Variants in TMPRSS2 observed in about 807,000 individuals in gnomAD.
TMPRSS2 encodes the protein transmembrane protease serine 2.
In TMPRSS2, 59 loss-of-function variants were observed where a neutral mutation model predicts 67.4. The ratio of observed to expected loss-of-function variants is 0.88; its 90% CI spans 0.71 to 1.09. The LOEUF (loss-of-function observed/expected upper bound fraction) is 1.09. Among genes scored for constraint, TMPRSS2 ranks in the 50% least tolerant of loss-of-function variants. TMPRSS2 has a pLI of 0.00. For synonymous variants in TMPRSS2, 257 were observed against 257.0 expected (o/e 1.00, Z 0.00); for missense variants, 668 against 642.7 (o/e 1.04, Z -0.43).
chr21:41,472,842 A>G (rs2091146366), intron 9 of TMPRSS2, among the ~76,000 whole-genome samples: 1 of 152,160 alleles, frequency 6.6e-6, no homozygotes, highest in African/African-American at 2.4e-5. Flanking sequence ...GGTAGCGTCC[A>G]TAAATGCTAA....
intron 1 of TMPRSS2, among the ~76,000 whole-genome samples, chr21:41,503,094 T>C (rs770501572): frequency 6.6e-6 from 1 of 152,158 alleles, no homozygotes. Context: ...AAATGTAAAT[T>C]TGAAATACAA....
chr21:41,485,250 T>C (rs144154504), intron 5 of TMPRSS2, among the ~76,000 whole-genome samples: 163 of 152,194 alleles, frequency 1.1e-3, no homozygotes, highest in Admixed American at 1.6e-3. Context: ...TATTAAAGTA[T>C]TTAAATAAAT....
chr21:41,502,342 G>A, intron 1 of TMPRSS2: 1 of 976,306 alleles, frequency 1.0e-6, no homozygotes, highest in South Asian at 4.7e-5. Flanking sequence ...CAAGATCCAG[G>A]GGTATTCTCT....
intron 13 of TMPRSS2, among the ~76,000 whole-genome samples, chr21:41,467,396 A>T (rs984561259): frequency 1.3e-5 from 2 of 152,070 alleles, no homozygotes; most frequent in Admixed American, 6.5e-5. Context: ...CTCAAAAAAA[A>T]AAAAAAAAAG....
chr21:41,473,899 G>C (rs912031607), intron 8 of TMPRSS2, among the ~76,000 whole-genome samples: 1 of 124,094 alleles, frequency 8.1e-6, no homozygotes, highest in Non-Finnish European at 1.7e-5. Flanking sequence ...GAGGAGGTGA[G>C]TGAGAAGGTG....
intron 3 of TMPRSS2, 64 bp from the exon 4 acceptor site, chr21:41,489,657 T>A (rs2091321756): frequency 9.3e-7 from 1 of 1,080,366 alleles, no homozygotes; most frequent in East Asian, 2.4e-5. Flanking sequence ...CTCTCAAATG[T>A]TATCTATTAT....
In TMPRSS2 at chr21:41,471,123, G is replaced by A. The variant is rs556192760; in HGVS notation, c.1076-380C>T. 3.9e-5 allele frequency among the ~76,000 whole-genome samples: 6 copies of A among 152,282 alleles called. No individual in the cohort carries two copies. The East Asian group carries it at 5.8e-4, about 15-fold the overall frequency. ...GCACCACGCCATTGCTCAGGCATTC[G>A]CTCTTCTATATGTGAACCATTTCCC... On this transcript the variant is annotated intron_variant, in intron 10 of 13. Transcript: ENST00000332149.
In TMPRSS2 at chr21:41,476,587, T is replaced by A. The variant is rs751019170; in HGVS notation, c.717A>T (p.Leu239Phe). Residue 239 changes from leucine to phenylalanine, a missense_variant, in exon 8 of 14, where the codon TTA becomes TTT. By Grantham distance (22) the Leu-to-Phe change is conservative. Transcript: ENST00000332149. ...TCCAGATGAACTTACCTATACAGCG[T>A]AAAGAAACCACTGCTTTTGAAGAAC... ...DACSSKAVVS[L>F]RCIACGVNLN... The A allele has an allele frequency of 6.2e-7, 1 of 1,612,920 alleles. No individual in the cohort carries two copies. The highest frequency in any genetic ancestry group is 8.5e-7 in the Non-Finnish European group (1 of 1,179,864).
intron 1 of TMPRSS2, among the ~76,000 whole-genome samples, chr21:41,502,772 A>G (rs975469380): frequency 3.9e-5 from 6 of 152,178 alleles, no homozygotes; most frequent in Non-Finnish European, 8.8e-5. Context: ...TGAGCGAGAA[A>G]CAGAAAGATC....
chr21:41,501,351 A>C (rs905785305), intron 1 of TMPRSS2, among the ~76,000 whole-genome samples: 2 of 152,216 alleles, frequency 1.3e-5, no homozygotes, highest in African/African-American at 4.8e-5. Context: ...GCTCCTGCCT[A>C]TAATTCCAGC....
intron 3 of TMPRSS2, among the ~76,000 whole-genome samples, chr21:41,492,065 C>A (rs1203612891): frequency 1.3e-5 from 2 of 152,208 alleles, no homozygotes; most frequent in African/African-American, 4.8e-5. Flanking sequence ...AGCAGTAGTG[C>A]ACCTGTAGTC....
At chr21:41,493,888 AC>A (rs1158028573) in intron 3 of TMPRSS2, among the ~76,000 whole-genome samples, 1 of 152,268 alleles carries the variant, frequency 6.6e-6, no homozygotes, top group African/African-American at 2.4e-5. Flanking sequence ...CTTCTGTGTG[AC>A]AACCGCACCA....
At chr21:41,471,732 G>A (rs923498139) in intron 10 of TMPRSS2, 74 bp downstream of exon 10, 5 of 1,499,332 alleles carry the variant, frequency 3.3e-6, no homozygotes, top group Admixed American at 2.0e-5. Flanking sequence ...ATTTGGCATA[G>A]CACAAGTGTC....
At chr21:41,500,709 T>A (rs779864051) in intron 1 of TMPRSS2, among the ~76,000 whole-genome samples, 15 of 152,178 alleles carry the variant, frequency 9.9e-5, no homozygotes, top group Non-Finnish European at 1.6e-4. Context: ...CCTTCCTGGG[T>A]ATAAGGAAAG....
At chr21:41,480,444 C>G (rs2146451452) in intron 6 of TMPRSS2, 32 bp downstream of exon 6, 1 of 1,608,068 alleles carries the variant, frequency 6.2e-7, no homozygotes, top group Non-Finnish European at 8.5e-7. Flanking sequence ...CTGTCTGTTA[C>G]TGTCACTCGG....
rs113438095 is a variant in TMPRSS2, at chr21:41,468,345, G to T, written c.1314+51C>A. The T allele has an allele frequency of 1.9e-5, 31 of 1,605,768 alleles. No individual in the cohort carries two copies. In the East Asian group the frequency reaches 3.3e-4, roughly 17 times the overall value. Reference sequence around the variant, plus strand: ...AAGAATGCCCTCTCTCTCATGGGGGGTTCAGTAGGATCTGGTAAGGACCAA... The same window carrying T: ...AAGAATGCCCTCTCTCTCATGGGGGTTTCAGTAGGATCTGGTAAGGACCAA... On this transcript the variant is annotated intron_variant, in intron 12 of 13. Coordinates refer to ENST00000332149, the MANE Select transcript of TMPRSS2 (RefSeq NM_005656.4).
Position 41,468,709 on chromosome 21 carries a change from G to C in TMPRSS2, c.1172-171C>G, listed in dbSNP as rs968569218. On this transcript the variant is annotated intron_variant, in intron 11 of 13. Coordinates refer to ENST00000332149, the MANE Select transcript of TMPRSS2 (RefSeq NM_005656.4). ...CACCAACCCCTCTCCTGGGAAACCT[G>C]GATTCTCCTTACAACTGGCGGTGCC... 7.5e-6 allele frequency: 5 copies of C among 670,558 alleles called. No homozygotes were observed. The African/African-American group carries it at 9.0e-5, about 12-fold the overall frequency. 41.5% of individuals were successfully genotyped at this position (670,558 alleles called of 1,614,324 possible). A position where few individuals can be genotyped will look rare whatever the true frequency, so the allele number is the denominator to read the frequency against.
chr21:41,489,382 C>T (rs1347681180), intron 4 of TMPRSS2, 125 bp downstream of exon 4: 4 of 664,098 alleles, frequency 6.0e-6, no homozygotes, highest in Admixed American at 2.9e-5. Context: ...GAGACAGCCT[C>T]GTTATGTAAG....
At chr21:41,503,336 A>G (rs1425117321) in intron 1 of TMPRSS2, among the ~76,000 whole-genome samples, 1 of 152,158 alleles carries the variant, frequency 6.6e-6, no homozygotes, top group African/African-American at 2.4e-5. Flanking sequence ...CTTCAACACC[A>G]CACACAAGCC....
Sources: gnomAD v4.1 joint callset for allele counts (sites outside exome capture counted in the v4.1 genomes callset) on GRCh38, gnomAD v4.1.1 for gene constraint, MANE v1.5 for transcripts, NCBI Gene and HGNC (gene_info 2026-07-23, HGNC 2026-07-21) for gene names.